Variants in DCAF6 observed in about 807,000 individuals in gnomAD.
DCAF6 encodes the protein DDB1- and CUL4-associated factor 6.
Under a neutral mutation model 125.1 loss-of-function variants are expected in DCAF6, and 54 were observed. That is an observed-to-expected ratio of 0.43 (90% CI 0.35 to 0.54). The LOEUF is 0.54. Ranked by LOEUF, DCAF6 falls within the 20% of genes least tolerant of loss-of-function variation. The pLI is 0.01. For missense variants in DCAF6, 934 were observed against 1,161.7 expected (o/e 0.80, Z 2.85); for synonymous variants, 371 against 390.4 (o/e 0.95, Z 0.58).
intron 2 of DCAF6, among the ~76,000 whole-genome samples, chr1:167,965,003 G>C (rs1676179907): frequency 6.6e-6 from 1 of 152,056 alleles, no homozygotes; most frequent in Non-Finnish European, 1.5e-5. Flanking sequence ...TCGGATTCCT[G>C]GTCTTACAGT....
intron 5 of DCAF6, among the ~76,000 whole-genome samples, chr1:167,989,664 C>T (rs1391325410): frequency 6.6e-6 from 1 of 152,196 alleles, no homozygotes; most frequent in African/African-American, 2.4e-5. Context: ...GGGCAGATCA[C>T]CTGAGGTTAG....
chr1:167,893,491 T>C, the DCAF6 span, among the ~76,000 whole-genome samples: 4 of 151,970 alleles, frequency 2.6e-5, no homozygotes, highest in Non-Finnish European at 5.9e-5. Flanking sequence ...GGCGGGCAGA[T>C]TTCTTGAGGT....
At chr1:167,897,111 A>ATCATG in the DCAF6 span, among the ~76,000 whole-genome samples, 1 of 151,928 alleles carries the variant, frequency 6.6e-6, no homozygotes, top group Non-Finnish European at 1.5e-5. Context: ...AGACATCAAG[A>ATCATG]TCATGAGACA....
chr1:168,009,326 T>A (rs1412201807), intron 10 of DCAF6, among the ~76,000 whole-genome samples: 1 of 148,334 alleles, frequency 6.7e-6, no homozygotes, highest in East Asian at 2.0e-4. Context: ...TCTCTTCTCT[T>A]CTTCTTTCCT....
intron 1 of DCAF6, among the ~76,000 whole-genome samples, chr1:167,947,420 G>T (rs1315502341): frequency 6.6e-6 from 1 of 150,588 alleles, no homozygotes; most frequent in Non-Finnish European, 1.5e-5. Context: ...TTTGGGTTTG[G>T]TTTTTTCTTG....
At chr1:167,874,081 C>T in the DCAF6 span, among the ~76,000 whole-genome samples, 1 of 152,166 alleles carries the variant, frequency 6.6e-6, no homozygotes, top group African/African-American at 2.4e-5. Flanking sequence ...CCTGTAATCC[C>T]AGCACTTTGG....
chr1:167,876,254 T>C, the DCAF6 span, among the ~76,000 whole-genome samples: 1 of 129,486 alleles, frequency 7.7e-6, no homozygotes, highest in Non-Finnish European at 1.6e-5. Flanking sequence ...CAAAGCTCCA[T>C]CTCAAAAAAA....
chr1:167,881,721 C>G, the DCAF6 span, among the ~76,000 whole-genome samples: 2 of 152,212 alleles, frequency 1.3e-5, no homozygotes, highest in Admixed American at 1.3e-4. Context: ...TATCCCCATT[C>G]AAAGAGGAAT....
At chr1:167,960,964 CTATT>C (rs1161677911) in intron 2 of DCAF6, among the ~76,000 whole-genome samples, 2 of 152,240 alleles carry the variant, frequency 1.3e-5, no homozygotes, top group African/African-American at 2.4e-5. Flanking sequence ...CTGAATCTTT[CTATT>C]TATTAATATG....
chr1:167,907,926 G>A, the DCAF6 span, among the ~76,000 whole-genome samples: 20 of 152,298 alleles, frequency 1.3e-4, no homozygotes, highest in African/African-American at 4.6e-4. Context: ...TCAACTCAGA[G>A]GTAAGCCTCC....
intron 12 of DCAF6, among the ~76,000 whole-genome samples, chr1:168,024,237 AAG>A (rs1686040766): frequency 6.6e-6 from 1 of 150,582 alleles, no homozygotes; most frequent in Admixed American, 6.6e-5. Context: ...AAAAAAAAAA[AAG>A]AACAGAAAAA....
chr1:168,019,269 T>C (rs555783912), intron 11 of DCAF6, among the ~76,000 whole-genome samples: 7 of 152,228 alleles, frequency 4.6e-5, no homozygotes, highest in African/African-American at 9.6e-5. Context: ...AGGATGGTCT[T>C]GATCTCCTGA....
At chr1:168,013,838 C>G (rs895509052) in intron 10 of DCAF6, among the ~76,000 whole-genome samples, 1 of 152,052 alleles carries the variant, frequency 6.6e-6, no homozygotes, top group Non-Finnish European at 1.5e-5. Flanking sequence ...CTTGACCTCC[C>G]TGGCTCAAGT....
At chr1:167,942,069 C>CT (rs1382838770) in intron 1 of DCAF6, among the ~76,000 whole-genome samples, 4 of 152,086 alleles carry the variant, frequency 2.6e-5, no homozygotes, top group Admixed American at 6.6e-5. Flanking sequence ...TTGCATTTCT[C>CT]TTTTTTTGTT....
chr1:167,980,774 C>T (rs189159761), intron 4 of DCAF6, among the ~76,000 whole-genome samples: 41 of 152,146 alleles, frequency 2.7e-4, no homozygotes, highest in Non-Finnish European at 2.9e-5. Flanking sequence ...AATATTTTCA[C>T]CCGTTCCATG....
chr1:167,949,549 A>C (rs902711301), intron 1 of DCAF6, among the ~76,000 whole-genome samples: 3 of 152,198 alleles, frequency 2.0e-5, no homozygotes, highest in East Asian at 3.8e-4. Flanking sequence ...AACCCATTAC[A>C]TGCACAGCAT....
At position 167,993,498 on chromosome 1, in the gene DCAF6, C is replaced by G. The variant is rs1278871910; in HGVS notation, c.903+58C>G. The G allele has an allele frequency of 3.7e-5, 55 of 1,470,848 alleles. No individual in the cohort carries two copies. The South Asian group carries it at 6.4e-4, about 17-fold the overall frequency. The allele number at this position is 1,470,848 out of a possible 1,614,324, so 91.1% of individuals were successfully genotyped here. A position where few individuals can be genotyped will look rare whatever the true frequency, so the allele number is the denominator to read the frequency against. On this transcript the variant is annotated intron_variant, in intron 7 of 21. Transcript: ENST00000367840. ...GGCGCGGTGGCTCACGCCTGTAATC[C>G]CAGCGCTTTGGGAGGCCGAGGTGGG...
At chr1:167,925,095 C>T in the DCAF6 span, among the ~76,000 whole-genome samples, 1 of 152,116 alleles carries the variant, frequency 6.6e-6, no homozygotes, top group Non-Finnish European at 1.5e-5. Context: ...TAATGCTACA[C>T]ATTCTGTCTT....
chr1:167,901,529 C>G, the DCAF6 span: 1 of 936,920 alleles, frequency 1.1e-6, no homozygotes, highest in East Asian at 2.4e-5. Flanking sequence ...TCTGATTGTC[C>G]TGATGCCAAA....
Sources: allele counts gnomAD v4.1 joint callset (sites outside exome capture counted in the v4.1 genomes callset), GRCh38; gene constraint gnomAD v4.1.1; transcripts MANE v1.5; gene names NCBI Gene and HGNC (gene_info 2026-07-23, HGNC 2026-07-21).